Variants in MRTFA observed in about 807,000 individuals in gnomAD.
The protein encoded by MRTFA is myocardin-related transcription factor A.
MRTFA carries 20 observed loss-of-function variants against 83.5 expected under a neutral mutation model. The observed-to-expected ratio is 0.24, with a 90% confidence interval of 0.17 to 0.35. MRTFA has a LOEUF of 0.35. MRTFA is among the 10% of genes least tolerant of loss of function. MRTFA has a pLI of 1.00. For synonymous variants in MRTFA, 659 were observed against 541.2 expected, an observed-to-expected ratio of 1.22 and a Z score of -3.02; for missense variants, 1,200 against 1,224.7, an observed-to-expected ratio of 0.98 and a Z score of 0.30.
rs1208635677 is a variant in MRTFA at position 40,418,492 on chromosome 22, A to G, written c.2246T>C (p.Leu749Pro). Residue 749 changes from leucine to proline, a missense_variant, in exon 12 of 15, where the codon CTC (leucine) becomes CCC (proline). Physicochemically the swap from Leu to Pro is moderately conservative, Grantham distance 98 (BLOSUM62 -3). Coordinates refer to ENST00000355630, the MANE Select transcript of MRTFA (RefSeq NM_020831.6). ...GGTGGGAGGTGCAACCCCCTTGATGAGGCTGGGGCCCTGAGGCCCCAGAAG... is the reference window on the plus strand; with the variant it reads ...GGTGGGAGGTGCAACCCCCTTGATGGGGCTGGGGCCCTGAGGCCCCAGAAG... 1 of 1,607,964 alleles carries G rather than the reference A, an allele frequency of 6.2e-7. No individual in the cohort carries two copies. Among genetic ancestry groups the G allele is most frequent in the South Asian group, 1.1e-5 (1 of 90,428 alleles).
intron 3 of MRTFA, among the ~76,000 whole-genome samples, chr22:40,475,530 C>T (rs1322202047): frequency 6.6e-6 from 1 of 151,748 alleles, no homozygotes; most frequent in East Asian, 2.0e-4. Flanking sequence ...GTGCCAGACT[C>T]CGTCTGAAAA....
At chr22:40,636,443 T>C (rs1199359783) in intron 1 of MRTFA, 35 bp downstream of exon 1, 1 of 151,470 alleles carries the variant, frequency 6.6e-6, no homozygotes, top group African/African-American at 2.4e-5. Flanking sequence ...GAGGCCGCGG[T>C]GGGGGAGGGG....
At chr22:40,428,880 C>T (rs1011990937) in intron 7 of MRTFA, among the ~76,000 whole-genome samples, 11 of 152,110 alleles carry the variant, frequency 7.2e-5, no homozygotes, top group Non-Finnish European at 1.2e-4. Flanking sequence ...CCTGGAGCAC[C>T]GTCCTCTCCT....
chr22:40,452,200 G>A (rs2053505422), intron 4 of MRTFA, among the ~76,000 whole-genome samples: 1 of 151,970 alleles, frequency 6.6e-6, no homozygotes, highest in Non-Finnish European at 1.5e-5. Flanking sequence ...TGGCCAGGAT[G>A]GTCTTGATCT....
chr22:40,590,680 G>GAAAAAAAAAAA (rs56366993), intron 2 of MRTFA, among the ~76,000 whole-genome samples: 1 of 81,362 alleles, frequency 1.2e-5, no homozygotes. Flanking sequence ...CTCAAAAAAA[G>GAAAAAAAAAAA]AAAAAAAAAA....
At chr22:40,442,710 T>C (rs2053300386) in intron 4 of MRTFA, among the ~76,000 whole-genome samples, 2 of 152,214 alleles carry the variant, frequency 1.3e-5, no homozygotes, top group South Asian at 4.1e-4. Flanking sequence ...TTTAAGGTGC[T>C]GTAAAGGACA....
chr22:40,502,037 C>T (rs1364837882), intron 3 of MRTFA, among the ~76,000 whole-genome samples: 2 of 140,530 alleles, frequency 1.4e-5, no homozygotes, highest in Non-Finnish European at 3.1e-5. Context: ...GGGGCTGACC[C>T]CCCCACCTCC....
chr22:40,411,600 G>A lies in MRTFA; in HGVS notation c.2886C>T (p.Asp962=), dbSNP rs1189507392. ...CAGGAACAAAGTGCAATTCCGAGGTGTCCATGGGTGACGGGGGGTGGTCCA... is the reference window on the plus strand; with the variant it reads ...CAGGAACAAAGTGCAATTCCGAGGTATCCATGGGTGACGGGGGGTGGTCCA... The change falls in exon 15 of 15, where the codon GAC becomes GAT. Residue 962 remains aspartate, a synonymous_variant. Transcript: ENST00000355630. 5 of 1,613,872 alleles carry A rather than the reference G, an allele frequency of 3.1e-6. No individual in the cohort carries two copies. The highest frequency in any genetic ancestry group is 4.2e-6 in the Non-Finnish European group (5 of 1,180,016).
At chr22:40,568,099 A>T (rs1602440529) in intron 2 of MRTFA, among the ~76,000 whole-genome samples, 1 of 152,320 alleles carries the variant, frequency 6.6e-6, no homozygotes, top group Middle Eastern at 3.4e-3. Context: ...TCTATGGGTC[A>T]AGAGGTCAAG....
chr22:40,437,762 C>CAAA (rs1180457762), intron 4 of MRTFA, among the ~76,000 whole-genome samples: 15 of 105,874 alleles, frequency 1.4e-4, no homozygotes, highest in African/African-American at 4.7e-4. Flanking sequence ...GACTCCGTCT[C>CAAA]AAAAAAAAAA....
At chr22:40,563,166 G>A (rs1039859912) in intron 2 of MRTFA, among the ~76,000 whole-genome samples, 1 of 151,944 alleles carries the variant, frequency 6.6e-6, no homozygotes, top group African/African-American at 2.4e-5. Context: ...CTAATCACTG[G>A]TACCAGTTAT....
At chr22:40,439,980 C>G (rs1288471712) in intron 4 of MRTFA, 1 of 161,906 alleles carries the variant, frequency 6.2e-6, no homozygotes, top group Non-Finnish European at 1.4e-5. Flanking sequence ...GACGAAAGCC[C>G]GTCTCTACTA....
intron 2 of MRTFA, among the ~76,000 whole-genome samples, chr22:40,578,126 G>A (rs539015210): frequency 6.6e-6 from 1 of 151,984 alleles, no homozygotes; most frequent in African/African-American, 2.4e-5. Context: ...GCTAATTTTT[G>A]TATTTTTAGT....
At chr22:40,558,136 G>A (rs1390353265) in intron 2 of MRTFA, among the ~76,000 whole-genome samples, 1 of 150,726 alleles carries the variant, frequency 6.6e-6, no homozygotes. Context: ...CCCAGGCTAG[G>A]GTGCAGTGGC....
At chr22:40,495,049 A>C (rs1182106451) in intron 3 of MRTFA, among the ~76,000 whole-genome samples, 3 of 151,988 alleles carry the variant, frequency 2.0e-5, no homozygotes, top group African/African-American at 7.2e-5. Context: ...TTTTTTAAAA[A>C]AGCAGATTAC....
intron 9 of MRTFA, 42 bp downstream of exon 9, chr22:40,423,494 G>A (rs755528265): frequency 1.4e-6 from 2 of 1,423,338 alleles, no homozygotes; most frequent in Non-Finnish European, 1.9e-6. Flanking sequence ...GACTCCAAAG[G>A]GCACAGGGAA....
At chr22:40,531,100 T>C (rs545677858) in intron 3 of MRTFA, among the ~76,000 whole-genome samples, 1 of 151,944 alleles carries the variant, frequency 6.6e-6, no homozygotes, top group South Asian at 2.1e-4. Context: ...GTGAGGAGGA[T>C]GAAAGTTTTA....
At chr22:40,461,372 G>A (rs1455569892) in intron 4 of MRTFA, among the ~76,000 whole-genome samples, 2 of 151,852 alleles carry the variant, frequency 1.3e-5, no homozygotes, top group African/African-American at 4.8e-5. Flanking sequence ...ACCAAATCCA[G>A]CTGGGCATGG....
intron 2 of MRTFA, among the ~76,000 whole-genome samples, chr22:40,553,733 T>TGCCA: frequency 6.6e-6 from 1 of 152,302 alleles, no homozygotes; most frequent in African/African-American, 2.4e-5. Flanking sequence ...CACAGAGTCC[T>TGCCA]CACTGGAGCA....
Sources: allele counts gnomAD v4.1 joint callset (sites outside exome capture counted in the v4.1 genomes callset), GRCh38; gene constraint gnomAD v4.1.1; transcripts MANE v1.5; gene names NCBI Gene and HGNC (gene_info 2026-07-23, HGNC 2026-07-21).